The following JAK1 variants were observed in gnomAD, a reference collection of about 807,000 sequenced individuals.
JAK1 encodes Janus kinase 1.
A neutral mutation model predicts 136.6 loss-of-function variants in JAK1; 16 were observed. The ratio of observed to expected loss-of-function variants is 0.12; its 90% CI spans 0.08 to 0.18. The LOEUF is 0.18. Among genes scored for constraint, JAK1 ranks in the 10% least tolerant of loss-of-function variants. The pLI is 1.00. For synonymous variants in JAK1, 492 were observed against 519.5 expected, an observed-to-expected ratio of 0.95 and a Z score of 0.72; for missense variants, 859 against 1,450.1, an observed-to-expected ratio of 0.59 and a Z score of 6.62.
At chr1:64,959,110 C>A (rs899661168) in intron 1 of JAK1, among the ~76,000 whole-genome samples, 5 of 152,340 alleles carry the variant, frequency 3.3e-5, no homozygotes, top group Non-Finnish European at 7.3e-5. Context: ...CAGCTAACTC[C>A]TTTGCTGTCA....
intron 1 of JAK1, among the ~76,000 whole-genome samples, chr1:64,925,496 C>T (rs1645568883): frequency 6.6e-6 from 1 of 152,082 alleles, no homozygotes; most frequent in Non-Finnish European, 1.5e-5. Flanking sequence ...TACATCATGG[C>T]CTGATGTCCC....
chr1:64,841,693 G>T, intron 17 of JAK1, 92 bp from the exon 18 acceptor site: 1 of 1,262,112 alleles, frequency 7.9e-7, no homozygotes, highest in Non-Finnish European at 1.1e-6. Context: ...TTCCTCATTC[G>T]ATTCTCAACA....
chr1:64,846,586 A>T, intron 14 of JAK1, 63 bp downstream of exon 14: 1 of 1,238,442 alleles, frequency 8.1e-7, no homozygotes, highest in Non-Finnish European at 1.2e-6. Context: ...AGCCTCCACC[A>T]TCTCCACAGC....
chr1:64,958,328 A>T (rs1446018389), intron 1 of JAK1, among the ~76,000 whole-genome samples: 1 of 152,238 alleles, frequency 6.6e-6, no homozygotes, highest in Non-Finnish European at 1.5e-5. Flanking sequence ...AAGTAAAAAC[A>T]TGAGGTTCCT....
At chr1:64,971,409 A>C (rs1444584681), upstream of JAK1, among the ~76,000 whole-genome samples, 1 of 152,184 alleles carries the variant, frequency 6.6e-6, no homozygotes, top group East Asian at 1.9e-4. Flanking sequence ...GCAGTGGCAC[A>C]ATCACAGGTC....
chr1:64,938,132 G>A (rs1040362790), intron 1 of JAK1, among the ~76,000 whole-genome samples: 2 of 151,604 alleles, frequency 1.3e-5, no homozygotes, highest in African/African-American at 2.4e-5. Flanking sequence ...TGCCCACCTC[G>A]GCCTCCCAAA....
At chr1:64,965,407 C>T (rs1053859526) in intron 1 of JAK1, among the ~76,000 whole-genome samples, 3 of 152,162 alleles carry the variant, frequency 2.0e-5, no homozygotes, top group Admixed American at 2.0e-4. Flanking sequence ...TCATGGAGTG[C>T]AAACCCTCCA....
At chr1:64,910,193 A>T (rs1645258903) in intron 1 of JAK1, among the ~76,000 whole-genome samples, 1 of 152,240 alleles carries the variant, frequency 6.6e-6, no homozygotes, top group Non-Finnish European at 1.5e-5. Context: ...AATAAAACAG[A>T]AATACGTATT....
Position 64,999,735 on chromosome 1 carries a change from TAA to T in JAK1, c.-78+44743_-78+44744del, listed in dbSNP as rs77414910. ...GGGCAACAGAGTGAGACCCTCTCTT[TAA>T]AAAAAAAAAAAAAAAAAGTCTACTG... On this transcript the variant is annotated intron_variant, in intron 2 of 25. Coordinates refer to the JAK1 transcript ENST00000671954. Among the ~76,000 whole-genome samples, 608 of 130,142 alleles carry T rather than the reference TAA, an allele frequency of 4.7e-3. 3 individuals are homozygous for T. Among genetic ancestry groups the T allele is most frequent in the African/African-American group, 0.014 (487 of 35,910 alleles). 85.4% of individuals were successfully genotyped at this position (130,142 alleles called of 152,430 possible). A position where few individuals can be genotyped will look rare whatever the true frequency, so the allele number is the denominator to read the frequency against.
chr1:65,020,297 T>G (rs1646927909), intron 2 of JAK1, among the ~76,000 whole-genome samples: 1 of 150,544 alleles, frequency 6.6e-6, no homozygotes, highest in Admixed American at 6.6e-5. Context: ...TCTTTCAAAG[T>G]GGTTGTGCTA....
chr1:64,856,255 G>A (rs2101053297), intron 10 of JAK1, among the ~76,000 whole-genome samples: 1 of 152,294 alleles, frequency 6.6e-6, no homozygotes, highest in East Asian at 1.9e-4. Flanking sequence ...GGTATAAGCA[G>A]TTTTCCCTCA....
chr1:64,977,721 G>A (rs546908875), intron 2 of JAK1, among the ~76,000 whole-genome samples: 2 of 152,012 alleles, frequency 1.3e-5, no homozygotes, highest in South Asian at 2.1e-4. Flanking sequence ...GTGAGCCACC[G>A]CGCCTGACCC....
At chr1:64,904,232 C>T (rs1645156837) in intron 1 of JAK1, among the ~76,000 whole-genome samples, 1 of 152,174 alleles carries the variant, frequency 6.6e-6, no homozygotes, top group African/African-American at 2.4e-5. Context: ...TTCATTCAAC[C>T]TGCTCATACT....
chr1:64,835,698 T>C (rs1224699796), intron 23 of JAK1, among the ~76,000 whole-genome samples, 192 bp from the exon 24 acceptor site: 5 of 152,154 alleles, frequency 3.3e-5, no homozygotes, highest in Non-Finnish European at 2.9e-5. Flanking sequence ...ACCAGTGTCT[T>C]AGACTCTACC....
intron 9 of JAK1, among the ~76,000 whole-genome samples, chr1:64,858,395 C>T (rs928558131): frequency 1.3e-5 from 2 of 152,134 alleles, no homozygotes; most frequent in African/African-American, 2.4e-5. Context: ...CGCCATGGTT[C>T]GTGTGTTTTA....
At chr1:64,909,944 G>T (rs1375568832) in intron 1 of JAK1, among the ~76,000 whole-genome samples, 8 of 152,134 alleles carry the variant, frequency 5.3e-5, no homozygotes, top group African/African-American at 1.9e-4. Flanking sequence ...GAGGTAATTT[G>T]CTCTCTTTAG....
chr1:65,030,674 A>C (rs527742736), intron 2 of JAK1, among the ~76,000 whole-genome samples: 257 of 152,230 alleles, frequency 1.7e-3, no homozygotes, highest in Non-Finnish European at 2.4e-3. Flanking sequence ...CTGGGATTAC[A>C]GGTGCACACA....
chr1:64,883,533 G>T, intron 2 of JAK1, 58 bp from the exon 3 acceptor site: 1 of 1,433,662 alleles, frequency 7.0e-7, no homozygotes, highest in Non-Finnish European at 9.7e-7. Context: ...AGTTCTTATG[G>T]CAAAAGGGAG....
intron 8 of JAK1, among the ~76,000 whole-genome samples, chr1:64,860,862 T>TGTGTGTGTGTGTGTGTG: frequency 7.5e-5 from 6 of 79,886 alleles, no homozygotes; most frequent in Admixed American, 1.3e-4. Flanking sequence ...GTGTGTGTGT[T>TGTGTGTGTGTGTGTGTG]GGGGGTGACG....
Sources: gnomAD v4.1 joint callset for allele counts (sites outside exome capture counted in the v4.1 genomes callset) on GRCh38, gnomAD v4.1.1 for gene constraint, MANE v1.5 for transcripts, NCBI Gene and HGNC (gene_info 2026-07-23, HGNC 2026-07-21) for gene names.